The following CDK13 variants were observed in gnomAD, a reference collection of about 807,000 sequenced individuals.
The protein encoded by CDK13 is cyclin-dependent kinase 13.
In CDK13, 40 loss-of-function variants were observed where a neutral mutation model predicts 137.6. The ratio of observed to expected loss-of-function variants is 0.29; its 90% CI spans 0.23 to 0.38. CDK13 has a LOEUF of 0.38. CDK13 is among the 10% of genes least tolerant of loss of function. The pLI is 1.00. For synonymous variants in CDK13, 869 were observed against 760.1 expected (o/e 1.14, Z -2.36); for missense variants, 1,704 against 1,951.8 (o/e 0.87, Z 2.39).
At position 40,097,668 on chromosome 7, in the gene CDK13, A is replaced by C. The variant is rs1271002427; in HGVS notation, c.*2688A>C. 6.6e-6 allele frequency: 1 copy of C among 152,132 alleles called. No homozygotes were observed. Among genetic ancestry groups the C allele is most frequent in the Non-Finnish European group, 1.5e-5 (1 of 67,982 alleles). The allele number at this position is 152,132 out of a possible 1,614,324, so 9.4% of individuals were successfully genotyped here. A position where few individuals can be genotyped will look rare whatever the true frequency, so the allele number is the denominator to read the frequency against. The stretch of plus-strand genomic sequence containing the variant: ...AAGATTTGACCTGCCAAAAGAAGAA[A>C]GTATTTATCTTCTCCCACGTGAAAT... On this transcript the variant is annotated 3_prime_UTR_variant, in exon 14 of 14. Coordinates refer to ENST00000181839, the MANE Select transcript of CDK13 (RefSeq NM_003718.5).
chr7:39,980,967 A>G (rs1784211121), intron 1 of CDK13, among the ~76,000 whole-genome samples: 1 of 152,238 alleles, frequency 6.6e-6, no homozygotes, highest in African/African-American at 2.4e-5. Context: ...GAAACATAGA[A>G]AGTTCTCTTC....
chr7:40,019,885 G>T (rs781756334), intron 5 of CDK13, among the ~76,000 whole-genome samples: 2 of 152,128 alleles, frequency 1.3e-5, no homozygotes, highest in Non-Finnish European at 2.9e-5. Context: ...CAGAAACTCA[G>T]TGTATGCCAT....
chr7:40,082,531 C>T (rs1321920048), intron 11 of CDK13, among the ~76,000 whole-genome samples: 1 of 138,968 alleles, frequency 7.2e-6, no homozygotes. Flanking sequence ...AGGACGGGCA[C>T]AATGGCTCAT....
chr7:40,040,000 A>T, intron 5 of CDK13, among the ~76,000 whole-genome samples: 2 of 143,584 alleles, frequency 1.4e-5, no homozygotes, highest in Admixed American at 6.9e-5. Context: ...TAGATAACTG[A>T]TTCATTTGCT....
chr7:40,099,564 T>C lies in CDK13; in HGVS notation c.*4584T>C, dbSNP rs1035659517. 3 of 152,174 alleles carry C rather than the reference T, an allele frequency of 2.0e-5. No homozygotes were observed. Among genetic ancestry groups the C allele is most frequent in the Admixed American group, 6.5e-5 (1 of 15,272 alleles). The allele number at this position is 152,174 out of a possible 1,614,324, so 9.4% of individuals were successfully genotyped here. On this transcript the variant is annotated 3_prime_UTR_variant, in exon 14 of 14. Transcript: ENST00000181839. ...CCGTATTCAATAGTCTGTAAATAAA[T>C]TGCCGTAACACTCCCAGGCCATTTT...
chr7:40,084,807 T>C (rs1370777915), intron 11 of CDK13, among the ~76,000 whole-genome samples: 1 of 152,068 alleles, frequency 6.6e-6, no homozygotes, highest in Non-Finnish European at 1.5e-5. Flanking sequence ...CCCCATGAGG[T>C]AGATAGTATT....
At chr7:40,016,642 T>C (rs750401137) in intron 5 of CDK13, among the ~76,000 whole-genome samples, 4 of 152,154 alleles carry the variant, frequency 2.6e-5, no homozygotes, top group Non-Finnish European at 4.4e-5. Flanking sequence ...TGGCATAACT[T>C]TTAAACAAGG....
At position 40,095,476 on chromosome 7, in the gene CDK13, T is replaced by C. The variant is rs1178177626; in HGVS notation, c.*496T>C. 2.0e-5 allele frequency: 3 copies of C among 152,706 alleles called. No individual in the cohort carries two copies. The highest frequency in any genetic ancestry group is 2.9e-5 in the Non-Finnish European group (2 of 68,088). The allele number at this position is 152,706 out of a possible 1,614,324, so 9.5% of individuals were successfully genotyped here. ...GTCTTTGCACCTGCTTTCAGTGTTA[T>C]TGTGAAAGGTGTACTTTGTGCTCAT... is the stretch of plus-strand genomic sequence containing the variant. On this transcript the variant is annotated 3_prime_UTR_variant, in exon 14 of 14. Coordinates refer to ENST00000181839, the MANE Select transcript of CDK13 (RefSeq NM_003718.5).
At chr7:39,983,459 T>G (rs1385338877) in intron 1 of CDK13, among the ~76,000 whole-genome samples, 2 of 152,252 alleles carry the variant, frequency 1.3e-5, no homozygotes, top group African/African-American at 4.8e-5. Flanking sequence ...TTTCTGAGTC[T>G]TTATCTCTGT....
chr7:40,050,777 T>G (rs1430484447), intron 7 of CDK13, among the ~76,000 whole-genome samples: 1 of 152,180 alleles, frequency 6.6e-6, no homozygotes, highest in Non-Finnish European at 1.5e-5. Context: ...CTAAGCTGGT[T>G]GAGATTTCAC....
At chr7:39,989,101 A>AG (rs1562714903) in intron 2 of CDK13, among the ~76,000 whole-genome samples, 1 of 118,366 alleles carries the variant, frequency 8.4e-6, no homozygotes, top group Non-Finnish European at 2.0e-5. Context: ...AAAAAAAAAA[A>AG]AAAAAAAAAA....
At chr7:39,968,366 T>C (rs1783918196) in intron 1 of CDK13, among the ~76,000 whole-genome samples, 1 of 152,230 alleles carries the variant, frequency 6.6e-6, no homozygotes, top group South Asian at 2.1e-4. Context: ...GATGAGAGTC[T>C]ATTTTCATTA....
intron 1 of CDK13, among the ~76,000 whole-genome samples, chr7:39,982,067 A>G (rs1784238032): frequency 1.3e-5 from 2 of 148,972 alleles, no homozygotes; most frequent in East Asian, 3.9e-4. Context: ...CACAATGTGC[A>G]GGTTAGTTAC....
intron 2 of CDK13, among the ~76,000 whole-genome samples, chr7:39,990,843 A>T (rs185265857): frequency 6.6e-6 from 1 of 152,374 alleles, no homozygotes; most frequent in Admixed American, 6.5e-5. Flanking sequence ...TATGCATCTC[A>T]GTTATTGTAA....
At chr7:39,964,214 C>T (rs544089834) in intron 1 of CDK13, among the ~76,000 whole-genome samples, 139 of 152,196 alleles carry the variant, frequency 9.1e-4, no homozygotes, top group Non-Finnish European at 1.2e-3. Flanking sequence ...CTCCTTGTAC[C>T]TCTGGTAGAA....
At chr7:40,076,524 A>G (rs1209975506) in intron 9 of CDK13, among the ~76,000 whole-genome samples, 2 of 152,020 alleles carry the variant, frequency 1.3e-5, no homozygotes, top group Non-Finnish European at 2.9e-5. Context: ...CCCATGCTAC[A>G]GGAGTTGGGC....
intron 5 of CDK13, among the ~76,000 whole-genome samples, chr7:40,004,431 A>G (rs1784756306): frequency 6.6e-6 from 1 of 152,238 alleles, no homozygotes; most frequent in African/African-American, 2.4e-5. Flanking sequence ...AGTTACATGT[A>G]GGTACCTAGA....
At chr7:39,992,767 T>C (rs552484157) in intron 2 of CDK13, among the ~76,000 whole-genome samples, 1 of 152,090 alleles carries the variant, frequency 6.6e-6, no homozygotes, top group South Asian at 2.1e-4. Flanking sequence ...TTATTTCTTC[T>C]TGGTATCGTT....
chr7:39,953,731 C>G (rs912891594), intron 1 of CDK13, among the ~76,000 whole-genome samples: 1 of 152,154 alleles, frequency 6.6e-6, no homozygotes, highest in Non-Finnish European at 1.5e-5. Flanking sequence ...CATTGACCAC[C>G]AGTATTTCTA....
Sources: allele counts gnomAD v4.1 joint callset (sites outside exome capture counted in the v4.1 genomes callset), GRCh38; gene constraint gnomAD v4.1.1; transcripts MANE v1.5; gene names NCBI Gene and HGNC (gene_info 2026-07-23, HGNC 2026-07-21).